HERPUD2: variants seen among roughly 807,000 people sequenced by gnomAD.
The protein encoded by HERPUD2 is homocysteine-responsive endoplasmic reticulum-resident ubiquitin-like domain member 2 protein.
In HERPUD2, 13 loss-of-function variants were observed where a neutral mutation model predicts 49.9. That is an observed-to-expected ratio of 0.26 (90% CI 0.17 to 0.41). HERPUD2 has a LOEUF of 0.41. Among genes scored for constraint, HERPUD2 ranks in the 10% least tolerant of loss-of-function variants. The pLI is 1.00. For synonymous variants in HERPUD2, 172 were observed against 171.4 expected (o/e 1.00, Z -0.03); for missense variants, 449 against 492.2 (o/e 0.91, Z 0.83).
chr7:35,644,245 G>A (rs1186042612), intron 5 of HERPUD2, among the ~76,000 whole-genome samples: 2 of 150,020 alleles, frequency 1.3e-5, no homozygotes, highest in African/African-American at 2.5e-5. Flanking sequence ...CCACCCATGG[G>A]ATAATTCCTT....
chr7:35,673,145 T>G, intron 3 of HERPUD2, 56 bp downstream of exon 3: 1 of 1,331,394 alleles, frequency 7.5e-7, no homozygotes, highest in Non-Finnish European at 1.1e-6. Context: ...TTTCAGAACA[T>G]ATCTCCTCTC....
At chr7:35,635,648 C>A (rs1011602975) in intron 6 of HERPUD2, among the ~76,000 whole-genome samples, 190 bp from the exon 7 acceptor site, 2 of 152,024 alleles carry the variant, frequency 1.3e-5, no homozygotes, top group South Asian at 4.1e-4. Context: ...TGGTAGATGT[C>A]GCACAGGAAA....
intron 2 of HERPUD2, among the ~76,000 whole-genome samples, chr7:35,680,061 T>C (rs1289818538): frequency 6.6e-6 from 1 of 152,214 alleles, no homozygotes; most frequent in East Asian, 1.9e-4. Context: ...AATAGTCTTT[T>C]AATTGGTTTT....
At chr7:35,663,277 A>G (rs578255770) in intron 5 of HERPUD2, among the ~76,000 whole-genome samples, 1 of 152,256 alleles carries the variant, frequency 6.6e-6, no homozygotes, top group South Asian at 2.1e-4. Context: ...TAAATTTGTT[A>G]TAATTTACTG....
chr7:35,651,355 C>T (rs1036981140), intron 5 of HERPUD2, among the ~76,000 whole-genome samples: 2 of 152,136 alleles, frequency 1.3e-5, no homozygotes, highest in African/African-American at 4.8e-5. Flanking sequence ...ACTCAGCCTA[C>T]CACTGCCATC....
chr7:35,636,869 C>T (rs1301945800), intron 6 of HERPUD2, among the ~76,000 whole-genome samples: 2 of 152,110 alleles, frequency 1.3e-5, no homozygotes, highest in Non-Finnish European at 2.9e-5. Context: ...TGGCTCATGC[C>T]TGTAATCCCG....
intron 5 of HERPUD2, among the ~76,000 whole-genome samples, chr7:35,645,528 T>C (rs1434285969): frequency 3.3e-5 from 5 of 152,180 alleles, no homozygotes; most frequent in East Asian, 1.9e-4. Flanking sequence ...AAACAAGATA[T>C]AGGCTAGTGT....
At chr7:35,640,402 A>C (rs1784951159) in intron 5 of HERPUD2, among the ~76,000 whole-genome samples, 3 of 152,194 alleles carry the variant, frequency 2.0e-5, no homozygotes, top group African/African-American at 7.2e-5. Context: ...TTAAAGCTCA[A>C]GGGAGAAAAG....
intron 5 of HERPUD2, among the ~76,000 whole-genome samples, chr7:35,666,928 T>A (rs1306955757): frequency 2.0e-5 from 3 of 152,222 alleles, no homozygotes; most frequent in Non-Finnish European, 2.9e-5. Context: ...TTAGAAACAC[T>A]TGTGGAACGT....
intron 5 of HERPUD2, among the ~76,000 whole-genome samples, chr7:35,651,250 A>G (rs1785160437): frequency 6.6e-6 from 1 of 152,092 alleles, no homozygotes; most frequent in Non-Finnish European, 1.5e-5. Flanking sequence ...GATGGCATCC[A>G]AACAAGCTGA....
chr7:35,647,678 A>G (rs1189652094), intron 5 of HERPUD2, among the ~76,000 whole-genome samples: 1 of 152,224 alleles, frequency 6.6e-6, no homozygotes, highest in East Asian at 1.9e-4. Context: ...ATGATAGACA[A>G]AATAGTCACT....
intron 5 of HERPUD2, among the ~76,000 whole-genome samples, chr7:35,646,717 T>C (rs1462533484): frequency 6.6e-6 from 1 of 151,980 alleles, no homozygotes; most frequent in East Asian, 1.9e-4. Context: ...CCATAGAAAA[T>C]GTCATATTCT....
At chr7:35,693,593 A>G (rs1196772221) in intron 2 of HERPUD2, among the ~76,000 whole-genome samples, 4 of 151,780 alleles carry the variant, frequency 2.6e-5, no homozygotes, top group South Asian at 2.1e-4. Flanking sequence ...TCTCACTCGC[A>G]TATTAGGTTG....
chr7:35,675,645 C>G (rs914146202), intron 2 of HERPUD2, among the ~76,000 whole-genome samples: 1 of 152,126 alleles, frequency 6.6e-6, no homozygotes, highest in African/African-American at 2.4e-5. Context: ...AATGAACCCC[C>G]AGGTACCATC....
At chr7:35,693,540 G>A (rs528791127) in intron 2 of HERPUD2, among the ~76,000 whole-genome samples, 14 of 152,148 alleles carry the variant, frequency 9.2e-5, no homozygotes, top group African/African-American at 3.4e-4. Flanking sequence ...TCTGATACGG[G>A]TTGTAGTGCT....
intron 2 of HERPUD2, among the ~76,000 whole-genome samples, chr7:35,684,428 A>G (rs747262188): frequency 3.3e-5 from 5 of 152,030 alleles, no homozygotes; most frequent in Non-Finnish European, 5.9e-5. Flanking sequence ...ACTTGCACAA[A>G]TATTTATAGC....
At chr7:35,658,043 C>T (rs1161322827) in intron 5 of HERPUD2, among the ~76,000 whole-genome samples, 1 of 152,134 alleles carries the variant, frequency 6.6e-6, no homozygotes, top group Non-Finnish European at 1.5e-5. Context: ...CCCATGTTTA[C>T]TGCAGCACTG....
chr7:35,640,376 G>A (rs1784950936), intron 5 of HERPUD2, among the ~76,000 whole-genome samples: 1 of 152,142 alleles, frequency 6.6e-6, no homozygotes, highest in African/African-American at 2.4e-5. Context: ...GGGAAGGCTG[G>A]AGTTTGTCAC....
At chr7:35,643,312 A>T (rs1023358413) in intron 5 of HERPUD2, among the ~76,000 whole-genome samples, 16 of 152,228 alleles carry the variant, frequency 1.1e-4, no homozygotes, top group African/African-American at 3.6e-4. Context: ...CAAAGCCAAA[A>T]TATAACAAAA....
Sources: allele counts gnomAD v4.1 joint callset (sites outside exome capture counted in the v4.1 genomes callset), GRCh38; gene constraint gnomAD v4.1.1; transcripts MANE v1.5; gene names NCBI Gene and HGNC (gene_info 2026-07-23, HGNC 2026-07-21).